The following GRIK1 variants were observed in gnomAD, a reference collection of about 807,000 sequenced individuals.
GRIK1 encodes glutamate receptor ionotropic, kainate 1.
Under a neutral mutation model 105.7 loss-of-function variants are expected in GRIK1, and 69 were observed. The observed-to-expected ratio is 0.65, with a 90% CI of 0.54 to 0.80. The LOEUF is 0.80. Among genes scored for constraint, GRIK1 ranks in the 30% least tolerant of loss-of-function variants. GRIK1 has a pLI of 0.00. For synonymous variants in GRIK1, 438 were observed against 431.3 expected (o/e 1.02, Z -0.19); for missense variants, 1,109 against 1,167.3 (o/e 0.95, Z 0.73).
intron 1 of GRIK1, among the ~76,000 whole-genome samples, chr21:29,888,924 T>C (rs1183093695): frequency 6.6e-6 from 1 of 152,186 alleles, no homozygotes; most frequent in Non-Finnish European, 1.5e-5. Context: ...TTTTTATAAA[T>C]GGCAACACAA....
chr21:29,939,296 C>T (rs940483209), intron 1 of GRIK1, 87 bp downstream of exon 1: 4 of 772,870 alleles, frequency 5.2e-6, no homozygotes, highest in East Asian at 2.8e-5. Context: ...TGCGCCGCCG[C>T]GCGCTGCCTC....
At chr21:29,779,233 A>G (rs2066024522) in intron 1 of GRIK1, among the ~76,000 whole-genome samples, 1 of 152,242 alleles carries the variant, frequency 6.6e-6, no homozygotes, top group South Asian at 2.1e-4. Context: ...TCAGAAAAAT[A>G]TGTCACATTT....
chr21:29,719,269 T>G (rs1302332326), intron 1 of GRIK1, among the ~76,000 whole-genome samples: 1 of 151,702 alleles, frequency 6.6e-6, no homozygotes, highest in Non-Finnish European at 1.5e-5. Flanking sequence ...GATGAAATTT[T>G]TTTCCTTAGT....
chr21:29,842,823 T>C (rs1046023367), intron 1 of GRIK1, among the ~76,000 whole-genome samples: 2 of 152,186 alleles, frequency 1.3e-5, no homozygotes, highest in African/African-American at 2.4e-5. Flanking sequence ...TGATGATTTT[T>C]TGCACTCTGT....
At chr21:29,853,277 C>T (rs2068363385) in intron 1 of GRIK1, among the ~76,000 whole-genome samples, 1 of 152,228 alleles carries the variant, frequency 6.6e-6, no homozygotes, top group Non-Finnish European at 1.5e-5. Flanking sequence ...GGGTTCTCAA[C>T]CTCAGCACTA....
chr21:29,630,989 G>A (rs897891144), intron 7 of GRIK1, among the ~76,000 whole-genome samples: 2 of 151,692 alleles, frequency 1.3e-5, no homozygotes, highest in African/African-American at 4.8e-5. Flanking sequence ...TTTATTTTTT[G>A]TAGAGAGGGG....
At chr21:29,574,984 G>A (rs1286438180) in intron 14 of GRIK1, among the ~76,000 whole-genome samples, 2 of 151,776 alleles carry the variant, frequency 1.3e-5, no homozygotes, top group African/African-American at 4.8e-5. Flanking sequence ...GTGAGCCACC[G>A]CGCCCGGCCT....
intron 3 of GRIK1, among the ~76,000 whole-genome samples, chr21:29,688,677 A>G (rs1278428059): frequency 6.6e-6 from 1 of 152,242 alleles, no homozygotes; most frequent in Non-Finnish European, 1.5e-5. Context: ...ACATGTAAAC[A>G]GATATTTGAA....
intron 12 of GRIK1, 86 bp downstream of exon 12, chr21:29,587,280 G>A: frequency 1.3e-6 from 1 of 762,370 alleles, no homozygotes; most frequent in South Asian, 1.8e-5. Flanking sequence ...ACACTTTAAA[G>A]TTCCTAATTT....
rs557187533 is a variant in GRIK1 at position 29,860,084 on chromosome 21, T to C, written c.118+79299A>G. Reference sequence around the variant, plus strand: ...CTTGATGTTTCATAAAGACACATCATGGAGGAAAGAATAAGAATCAAAGAC... The same window carrying C: ...CTTGATGTTTCATAAAGACACATCACGGAGGAAAGAATAAGAATCAAAGAC... On this transcript the variant is annotated intron_variant, in intron 1 of 17. Coordinates refer to ENST00000327783, the MANE Select transcript of GRIK1 (RefSeq NM_001330994.2). 5.4e-4 allele frequency among the ~76,000 whole-genome samples: 82 copies of C among 152,326 alleles called. No individual in the cohort carries two copies. The South Asian group carries it at 0.011, about 20-fold the overall frequency.
intron 1 of GRIK1, among the ~76,000 whole-genome samples, chr21:29,829,190 C>T (rs974750831): frequency 6.6e-6 from 1 of 152,170 alleles, no homozygotes; most frequent in African/African-American, 2.4e-5. Context: ...TATCTCACCA[C>T]ATGCTGCAGT....
chr21:29,741,511 G>T, intron 1 of GRIK1, among the ~76,000 whole-genome samples: 1 of 151,962 alleles, frequency 6.6e-6, no homozygotes, highest in East Asian at 1.9e-4. Context: ...TTTAAAAATT[G>T]CAATAAAGAA....
chr21:29,694,117 A>ATTT (rs11434895), intron 1 of GRIK1, 54 bp from the exon 2 acceptor site: 19,235 of 427,614 alleles, frequency 0.045, 99 homozygotes, highest in East Asian at 0.058. Flanking sequence ...TTCACATGTA[A>ATTT]TTTTTTTTTT....
intron 1 of GRIK1, among the ~76,000 whole-genome samples, chr21:29,867,233 AG>A (rs1169426069): frequency 6.6e-6 from 1 of 152,220 alleles, no homozygotes; most frequent in Non-Finnish European, 1.5e-5. Flanking sequence ...TTAGAATAAA[AG>A]ATCCTTAGAG....
At chr21:29,803,806 CT>C (rs2066780296) in intron 1 of GRIK1, among the ~76,000 whole-genome samples, 1 of 151,990 alleles carries the variant, frequency 6.6e-6, no homozygotes, top group Admixed American at 6.6e-5. Flanking sequence ...TCCTCCATTG[CT>C]TTATCCAAGC....
At chr21:29,925,345 C>T (rs181759172) in intron 1 of GRIK1, among the ~76,000 whole-genome samples, 94 of 152,308 alleles carry the variant, frequency 6.2e-4, no homozygotes, top group Non-Finnish European at 1.3e-4. Context: ...CCACTTTTGG[C>T]ATCTTTTCAG....
rs1568813994 is a variant in GRIK1, at chr21:29,560,390, TTC to T, written c.2356+1232_2356+1233del. Among the ~76,000 whole-genome samples, 268 of 98,612 alleles carry T rather than the reference TTC, an allele frequency of 2.7e-3. 35 individuals are homozygous for T. Among genetic ancestry groups the T allele is most frequent in the Admixed American group, 0.016 (142 of 8,890 alleles). The allele number at this position is 98,612 out of a possible 152,430, so 64.7% of individuals were successfully genotyped here. A position where few individuals can be genotyped will look rare whatever the true frequency, so the allele number is the denominator to read the frequency against. ...CTTCCTTCCTTCCTTCCTTCCTTCC[TTC>T]CTTCCTTCCTTTCTTTCTTTCTTTC... On this transcript the variant is annotated intron_variant, in intron 15 of 17. Coordinates refer to ENST00000327783, the MANE Select transcript of GRIK1 (RefSeq NM_001330994.2).
At chr21:29,648,439 A>G (rs1403297119) in intron 6 of GRIK1, among the ~76,000 whole-genome samples, 1 of 152,192 alleles carries the variant, frequency 6.6e-6, no homozygotes, top group African/African-American at 2.4e-5. Flanking sequence ...CTGCACTTTT[A>G]TGGGACTATT....
chr21:29,927,737 G>T (rs1252997015), intron 1 of GRIK1, among the ~76,000 whole-genome samples: 4 of 151,936 alleles, frequency 2.6e-5, no homozygotes, highest in Non-Finnish European at 4.4e-5. Context: ...CAGGCGTGGT[G>T]GCATGTGCCT....
Sources: allele counts gnomAD v4.1 joint callset (sites outside exome capture counted in the v4.1 genomes callset), GRCh38; gene constraint gnomAD v4.1.1; transcripts MANE v1.5; gene names NCBI Gene and HGNC (gene_info 2026-07-23, HGNC 2026-07-21).